GRID2: variants seen among roughly 807,000 people sequenced by gnomAD.
GRID2 encodes the protein glutamate ionotropic receptor delta type subunit 2, also known as glutamate receptor ionotropic, delta-2.
GRID2 carries 33 observed loss-of-function variants against 114.8 expected under a neutral mutation model. The observed-to-expected ratio is 0.29, with a 90% CI of 0.22 to 0.38. The LOEUF (loss-of-function observed/expected upper bound fraction) is 0.38. Ranked by LOEUF, GRID2 falls within the 10% of genes least tolerant of loss-of-function variation. GRID2 has a pLI of 1.00. For synonymous variants in GRID2, 505 were observed against 449.9 expected, an observed-to-expected ratio of 1.12 and a Z score of -1.55; for missense variants, 1,184 against 1,257.7, an observed-to-expected ratio of 0.94 and a Z score of 0.89.
chr4:93,696,507 G>A (rs759012328), intron 14 of GRID2, among the ~76,000 whole-genome samples: 1 of 152,156 alleles, frequency 6.6e-6, no homozygotes. Flanking sequence ...TTACAACAAT[G>A]AAGAAAACTG....
intron 1 of GRID2, among the ~76,000 whole-genome samples, chr4:92,462,360 A>G (rs1721539762): frequency 6.6e-6 from 1 of 152,048 alleles, no homozygotes; most frequent in Admixed American, 6.6e-5. Flanking sequence ...ATAAGTAAAT[A>G]GTAGGAGAGA....
chr4:93,796,200 C>T (rs1734796717), intron 1 of GRID2, among the ~76,000 whole-genome samples: 1 of 152,006 alleles, frequency 6.6e-6, no homozygotes, highest in Admixed American at 6.6e-5. Context: ...TAGGTCAGAC[C>T]CACCACCATC....
chr4:92,385,717 A>C (rs1382661668), intron 1 of GRID2, among the ~76,000 whole-genome samples: 1 of 151,570 alleles, frequency 6.6e-6, no homozygotes, highest in African/African-American at 2.4e-5. Flanking sequence ...AATAGGTTAG[A>C]ATACATAAAC....
chr4:93,344,806 G>A (rs1312249145), intron 8 of GRID2, among the ~76,000 whole-genome samples: 2 of 151,732 alleles, frequency 1.3e-5, no homozygotes, highest in Non-Finnish European at 2.9e-5. Context: ...CTGGCAACCA[G>A]CATTTTACCC....
At chr4:92,741,163 C>A (rs529308777) in intron 2 of GRID2, among the ~76,000 whole-genome samples, 39 of 152,038 alleles carry the variant, frequency 2.6e-4, no homozygotes, top group Non-Finnish European at 2.5e-4. Flanking sequence ...TAGTAAATAT[C>A]CTAAGTCCCA....
chr4:92,749,151 G>C lies in GRID2; in HGVS notation c.244+158865G>C, dbSNP rs887243763. Among the ~76,000 whole-genome samples, 18 of 150,512 alleles carry C rather than the reference G, an allele frequency of 1.2e-4. 1 individual carries two copies. Among genetic ancestry groups the C allele is most frequent in the Non-Finnish European group, 2.2e-4 (15 of 67,816 alleles). On this transcript the variant is annotated intron_variant, in intron 2 of 15. Coordinates refer to ENST00000282020, the MANE Select transcript of GRID2 (RefSeq NM_001510.4). ...TGGGACTATAGGCGCGCACCACCAT[G>C]CACCATCAGGCCTAGCTGATTTTTG... is the stretch of plus-strand genomic sequence containing the variant.
At chr4:92,939,707 T>A (rs184949989) in intron 2 of GRID2, among the ~76,000 whole-genome samples, 1 of 147,540 alleles carries the variant, frequency 6.8e-6, no homozygotes, top group African/African-American at 2.4e-5. Context: ...AGGTCTAACA[T>A]TTAAGTCTTT....
intron 1 of GRID2, among the ~76,000 whole-genome samples, chr4:92,500,103 A>G (rs1478249137): frequency 1.3e-5 from 2 of 152,108 alleles, no homozygotes; most frequent in Admixed American, 6.5e-5. Flanking sequence ...TCGGTCTTGA[A>G]GTGTGCAAGG....
At chr4:92,669,760 A>T (rs974186287) in intron 2 of GRID2, among the ~76,000 whole-genome samples, 1 of 152,040 alleles carries the variant, frequency 6.6e-6, no homozygotes, top group African/African-American at 2.4e-5. Flanking sequence ...TATGATAGAG[A>T]AATTATATAC....
At chr4:93,291,758 T>C (rs1012401096) in intron 8 of GRID2, among the ~76,000 whole-genome samples, 1 of 152,180 alleles carries the variant, frequency 6.6e-6, no homozygotes, top group Non-Finnish European at 1.5e-5. Flanking sequence ...TGTTTATGTG[T>C]GTGCACGTGT....
At chr4:92,829,210 T>A (rs573813253) in intron 2 of GRID2, among the ~76,000 whole-genome samples, 3 of 152,308 alleles carry the variant, frequency 2.0e-5, no homozygotes, top group Admixed American at 2.0e-4. Context: ...AAGGAAGGGA[T>A]CCAGTTTTCT....
intron 2 of GRID2, among the ~76,000 whole-genome samples, chr4:92,705,598 A>T (rs1734915769): frequency 1.3e-5 from 2 of 152,192 alleles, no homozygotes; most frequent in South Asian, 4.1e-4. Context: ...GACTAGGAAA[A>T]GTCAATGCCA....
chr4:92,908,821 C>G (rs1197677207), intron 2 of GRID2, among the ~76,000 whole-genome samples: 2 of 152,150 alleles, frequency 1.3e-5, no homozygotes, highest in African/African-American at 4.8e-5. Context: ...GTTAGGTTGT[C>G]TTAATCCTTC....
chr4:93,756,681 C>T (rs1732777136), intron 14 of GRID2, among the ~76,000 whole-genome samples: 1 of 152,170 alleles, frequency 6.6e-6, no homozygotes, highest in African/African-American at 2.4e-5. Context: ...CTCAAAATAT[C>T]ATTACAATGG....
intron 12 of GRID2, among the ~76,000 whole-genome samples, chr4:93,502,731 C>T (rs1022927117): frequency 2.0e-5 from 2 of 100,026 alleles, no homozygotes; most frequent in Admixed American, 9.9e-5. Flanking sequence ...CACACACGCA[C>T]ACCACACACA....
At chr4:92,522,888 T>A (rs976079999) in intron 1 of GRID2, among the ~76,000 whole-genome samples, 1 of 151,980 alleles carries the variant, frequency 6.6e-6, no homozygotes, top group African/African-American at 2.4e-5. Context: ...AGTAATTAGA[T>A]ATTCAGAAAT....
chr4:93,781,634 T>C (rs900468189), intron 1 of GRID2, among the ~76,000 whole-genome samples: 18 of 152,192 alleles, frequency 1.2e-4, no homozygotes, highest in Admixed American at 2.6e-4. Flanking sequence ...TTGTCTATAA[T>C]ATATGCATAT....
chr4:93,375,902 G>A (rs912364416), intron 8 of GRID2, among the ~76,000 whole-genome samples: 8 of 152,200 alleles, frequency 5.3e-5, no homozygotes, highest in East Asian at 1.9e-4. Context: ...TGGCTGAAAC[G>A]ACAAAAATTT....
At chr4:93,250,856 C>T (rs56120984) in intron 8 of GRID2, among the ~76,000 whole-genome samples, 135 of 151,134 alleles carry the variant, frequency 8.9e-4, no homozygotes, top group African/African-American at 3.1e-3. Flanking sequence ...GAAAACTGGC[C>T]TTCATTTTAA....
Sources: allele counts gnomAD v4.1 joint callset (sites outside exome capture counted in the v4.1 genomes callset), GRCh38; gene constraint gnomAD v4.1.1; transcripts MANE v1.5; gene names NCBI Gene and HGNC (gene_info 2026-07-23, HGNC 2026-07-21).